Variants in FOCAD observed in about 807,000 individuals in gnomAD.
FOCAD encodes focadhesin.
Under a neutral mutation model 225.6 loss-of-function variants are expected in FOCAD, and 198 were observed. That is an observed-to-expected ratio of 0.88 (90% CI 0.78 to 0.99). FOCAD has a LOEUF of 0.99. Among genes scored for constraint, FOCAD ranks in the 50% least tolerant of loss-of-function variants. The pLI is 0.00. For missense variants in FOCAD, 2,713 were observed against 2,123.6 expected (o/e 1.28, Z -5.46); for synonymous variants, 897 against 755.0 (o/e 1.19, Z -3.08).
chr9:20,755,334 C>T (rs1401656967), intron 5 of FOCAD, among the ~76,000 whole-genome samples: 2 of 152,106 alleles, frequency 1.3e-5, no homozygotes, highest in Admixed American at 1.3e-4. Flanking sequence ...CTGCTGAATC[C>T]AATAGCTAGC....
chr9:20,949,780 C>A, intron 33 of FOCAD, 105 bp downstream of exon 33: 1 of 996,150 alleles, frequency 1.0e-6, no homozygotes, highest in Non-Finnish European at 1.6e-6. Flanking sequence ...ATGGGAAAGT[C>A]TCTGGTTATT....
intron 15 of FOCAD, among the ~76,000 whole-genome samples, chr9:20,861,293 T>A (rs545081420): frequency 1.3e-5 from 2 of 152,220 alleles, no homozygotes; most frequent in Non-Finnish European, 2.9e-5. Flanking sequence ...CTGTGAGTAT[T>A]ATGTACCACT....
intron 15 of FOCAD, among the ~76,000 whole-genome samples, chr9:20,831,686 T>G (rs760366261): frequency 6.6e-6 from 1 of 152,062 alleles, no homozygotes; most frequent in Non-Finnish European, 1.5e-5. Context: ...TCTTTTTTCT[T>G]TATACATTCT....
chr9:20,947,686 C>A (rs746834873), intron 30 of FOCAD, among the ~76,000 whole-genome samples: 1 of 151,860 alleles, frequency 6.6e-6, no homozygotes, highest in Non-Finnish European at 1.5e-5. Flanking sequence ...TGAAAAAAAA[C>A]ATTTTATCTG....
intron 5 of FOCAD, among the ~76,000 whole-genome samples, chr9:20,741,262 TGA>T (rs1203958055): frequency 6.6e-6 from 1 of 152,188 alleles, no homozygotes; most frequent in East Asian, 1.9e-4. Flanking sequence ...ATCAGAAGTG[TGA>T]GAGAGTCTCT....
chr9:20,738,628 G>C (rs1220586795), intron 4 of FOCAD, among the ~76,000 whole-genome samples: 1 of 152,160 alleles, frequency 6.6e-6, no homozygotes, highest in Non-Finnish European at 1.5e-5. Flanking sequence ...ATATGGAAGA[G>C]AAAACATACC....
At chr9:20,784,180 C>G (rs1198895610) in intron 10 of FOCAD, among the ~76,000 whole-genome samples, 1 of 152,142 alleles carries the variant, frequency 6.6e-6, no homozygotes, top group African/African-American at 2.4e-5. Context: ...TGTGAGCAGG[C>G]TGGAATTGGC....
chr9:20,799,165 G>T (rs1821491525), intron 11 of FOCAD, among the ~76,000 whole-genome samples: 1 of 152,196 alleles, frequency 6.6e-6, no homozygotes, highest in African/African-American at 2.4e-5. Context: ...TTTTGAGTGA[G>T]TTTCTTAATC....
intron 28 of FOCAD, among the ~76,000 whole-genome samples, chr9:20,942,526 G>A (rs1023309432): frequency 3.9e-5 from 6 of 152,162 alleles, no homozygotes; most frequent in South Asian, 2.1e-4. Context: ...TGCATGATAC[G>A]TTCAGTGAAT....
chr9:20,779,737 C>T (rs1324967836), intron 9 of FOCAD, among the ~76,000 whole-genome samples: 5 of 149,154 alleles, frequency 3.4e-5, no homozygotes, highest in African/African-American at 7.5e-5. Context: ...GCAACAAGAG[C>T]GAAACTCCGT....
intron 39 of FOCAD, 22 bp from the exon 40 acceptor site, chr9:20,986,266 A>ATGTTTTTTTTTTTT: frequency 1.4e-6 from 1 of 705,686 alleles, no homozygotes; most frequent in South Asian, 2.9e-5. Context: ...TAACTAAACA[A>ATGTTTTTTTTTTTT]TTTTTTTTTT....
At chr9:20,726,740 A>C (rs1295557617) in intron 4 of FOCAD, among the ~76,000 whole-genome samples, 1 of 152,120 alleles carries the variant, frequency 6.6e-6, no homozygotes, top group Non-Finnish European at 1.5e-5. Flanking sequence ...TTTATGGAGA[A>C]AATTCTTGTC....
chr9:20,801,185 GAC>G (rs1821789210), intron 11 of FOCAD, among the ~76,000 whole-genome samples: 2 of 152,036 alleles, frequency 1.3e-5, no homozygotes, highest in South Asian at 4.1e-4. Context: ...CAGTTAATGT[GAC>G]ACAGCATGTT....
intron 35 of FOCAD, among the ~76,000 whole-genome samples, chr9:20,972,011 G>A (rs1299054428): frequency 6.6e-6 from 1 of 151,878 alleles, no homozygotes; most frequent in South Asian, 2.1e-4. Context: ...TGGACATTTG[G>A]GTTGCTTTTA....
At position 20,909,767 on chromosome 9, in the gene FOCAD, A is replaced by G. The variant is rs1221551576; in HGVS notation, c.2718+2525A>G. Among the ~76,000 whole-genome samples the G allele has an allele frequency of 3.9e-5, 6 of 152,220 alleles. No individual in the cohort carries two copies. The East Asian group carries it at 1.2e-3, about 29-fold the overall frequency. On this transcript the variant is annotated intron_variant, in intron 22 of 43. Transcript: ENST00000338382. Reference sequence around the variant, plus strand: ...ATTTATGCTTAAACAAGTTTTTTAAATGAGTCCACACGCTTAAATAGAGTT... The same window carrying G: ...ATTTATGCTTAAACAAGTTTTTTAAGTGAGTCCACACGCTTAAATAGAGTT...
At chr9:20,764,787 A>T in intron 6 of FOCAD, 82 bp from the exon 7 acceptor site, 1 of 1,019,662 alleles carries the variant, frequency 9.8e-7, no homozygotes, top group Non-Finnish European at 1.5e-6. Context: ...TTATGTCATG[A>T]ACTATAAGTT....
At chr9:20,961,675 C>G (rs1359654357) in intron 35 of FOCAD, among the ~76,000 whole-genome samples, 2 of 152,114 alleles carry the variant, frequency 1.3e-5, no homozygotes, top group East Asian at 3.9e-4. Flanking sequence ...TTGTAACTCC[C>G]TTCTCTGACA....
At position 20,706,069 on chromosome 9, in the gene FOCAD, T is replaced by A. The variant is rs377623257; in HGVS notation, c.-32-9253T>A. On this transcript the variant is annotated intron_variant, in intron 1 of 43. Coordinates refer to ENST00000338382, the MANE Select transcript of FOCAD (RefSeq NM_001375567.1). The stretch of plus-strand genomic sequence containing the variant: ...CCCACCTCAGCCTCCCAAGTAGCTG[T>A]TTCTACGGGCATGAGCCACCATACC... Among the ~76,000 whole-genome samples, 33 of 151,634 alleles carry A rather than the reference T, an allele frequency of 2.2e-4. 1 individual carries two copies. The highest frequency in any genetic ancestry group is 7.7e-4 in the African/African-American group (32 of 41,344).
At position 20,990,241 on chromosome 9, in the gene FOCAD, C is replaced by G. The variant is rs76872931; in HGVS notation, c.5123C>G (p.Pro1708Arg). 1.7e-4 allele frequency: 278 copies of G among 1,614,172 alleles called. 1 individual carries two copies. The East Asian group carries it at 4.8e-3, about 28-fold the overall frequency. ...SWLPWHQENG[P>R]AGPVPSFLGR... ...TTGCCATGGCATCAGGAGAATGGCCCGGCTGGGCCAGTACCAAGCTTCCTT... is the reference window on the plus strand; with the variant it reads ...TTGCCATGGCATCAGGAGAATGGCCGGGCTGGGCCAGTACCAAGCTTCCTT... Residue 1708 changes from proline (P) to arginine (R), a missense_variant, in exon 42 of 44, where the codon CCG (proline) becomes CGG (arginine). By Grantham distance (103) the Pro-to-Arg change is moderately radical (BLOSUM62 -2). Coordinates refer to ENST00000338382, the MANE Select transcript of FOCAD (RefSeq NM_001375567.1).
Sources: allele counts gnomAD v4.1 joint callset (sites outside exome capture counted in the v4.1 genomes callset), GRCh38; gene constraint gnomAD v4.1.1; transcripts MANE v1.5; gene names NCBI Gene and HGNC (gene_info 2026-07-23, HGNC 2026-07-21).